The following RALYL variants were observed in gnomAD, a reference collection of about 807,000 sequenced individuals.
RALYL encodes the protein RALY RNA binding protein like.
In RALYL, 29 loss-of-function variants were observed where a neutral mutation model predicts 35.1. The ratio of observed to expected loss-of-function variants is 0.83; its 90% CI spans 0.61 to 1.13. The LOEUF (loss-of-function observed/expected upper bound fraction) is 1.13, where lower values mean the gene tolerates loss of function less well. Among genes scored for constraint, RALYL ranks in the 50% most tolerant of loss-of-function variants. RALYL has a pLI of 0.00. For missense variants in RALYL, 359 were observed against 360.4 expected, an observed-to-expected ratio of 1.00 and a Z score of 0.03; for synonymous variants, 120 against 127.6, an observed-to-expected ratio of 0.94 and a Z score of 0.40.
chr8:84,635,314 A>G (rs1367990744), intron 2 of RALYL, among the ~76,000 whole-genome samples: 1 of 151,446 alleles, frequency 6.6e-6, no homozygotes, highest in African/African-American at 2.4e-5. Flanking sequence ...CCAATTGTTT[A>G]GAACACCTGC....
intron 1 of RALYL, among the ~76,000 whole-genome samples, chr8:84,446,064 G>T (rs1209466354): frequency 6.6e-6 from 1 of 151,798 alleles, no homozygotes; most frequent in African/African-American, 2.4e-5. Flanking sequence ...TTTTATATGC[G>T]ATATTAGCTG....
At chr8:84,697,266 C>T (rs1357579978) in intron 2 of RALYL, among the ~76,000 whole-genome samples, 2 of 152,014 alleles carry the variant, frequency 1.3e-5, no homozygotes, top group Non-Finnish European at 2.9e-5. Context: ...TAAAGAATTA[C>T]TTATCATAGT....
chr8:84,384,009 A>G (rs546406567), intron 1 of RALYL, among the ~76,000 whole-genome samples: 237 of 151,842 alleles, frequency 1.6e-3, no homozygotes, highest in Non-Finnish European at 2.5e-3. Context: ...CACTTACCAT[A>G]TCAAATGCAT....
intron 1 of RALYL, among the ~76,000 whole-genome samples, chr8:84,417,117 A>C (rs1443959530): frequency 6.6e-6 from 1 of 151,980 alleles, no homozygotes; most frequent in Non-Finnish European, 1.5e-5. Context: ...TTAGAACAAA[A>C]AAAAAAAAAG....
intron 1 of RALYL, among the ~76,000 whole-genome samples, chr8:84,250,535 C>A (rs989278765): frequency 4.0e-5 from 6 of 151,622 alleles, no homozygotes; most frequent in African/African-American, 1.5e-4. Context: ...GACATAATGG[C>A]CATTTTTGAT....
chr8:84,489,518 C>T (rs1175704001), intron 1 of RALYL, among the ~76,000 whole-genome samples: 1 of 152,020 alleles, frequency 6.6e-6, no homozygotes, highest in East Asian at 1.9e-4. Flanking sequence ...GGGATTCAAA[C>T]CTAAGACACA....
At chr8:84,666,172 A>C (rs1831992964) in intron 2 of RALYL, among the ~76,000 whole-genome samples, 1 of 152,044 alleles carries the variant, frequency 6.6e-6, no homozygotes, top group East Asian at 1.9e-4. Context: ...GTCAGCTTTA[A>C]GTATATTTCT....
At chr8:84,911,043 G>C (rs1362827434) in intron 8 of RALYL, among the ~76,000 whole-genome samples, 1 of 151,984 alleles carries the variant, frequency 6.6e-6, no homozygotes, top group Non-Finnish European at 1.5e-5. Flanking sequence ...ACTATATCTG[G>C]AAGTATTGAT....
intron 2 of RALYL, among the ~76,000 whole-genome samples, chr8:84,668,157 G>A (rs1034834226): frequency 6.6e-6 from 1 of 152,066 alleles, no homozygotes; most frequent in African/African-American, 2.4e-5. Flanking sequence ...TGTCTGTCAA[G>A]GTATATGACA....
intron 1 of RALYL, among the ~76,000 whole-genome samples, chr8:84,438,561 T>A (rs534509877): frequency 3.0e-4 from 46 of 151,692 alleles, no homozygotes; most frequent in Admixed American, 2.6e-3. Flanking sequence ...GCTATTTTTT[T>A]AAAAATTTTT....
intron 1 of RALYL, among the ~76,000 whole-genome samples, chr8:84,501,726 A>C (rs1422330129): frequency 6.6e-6 from 1 of 151,424 alleles, no homozygotes; most frequent in African/African-American, 2.4e-5. Context: ...TTCTCTTAGG[A>C]AATATCTCTG....
intron 8 of RALYL, among the ~76,000 whole-genome samples, chr8:84,910,223 A>T (rs1847273181): frequency 6.6e-6 from 1 of 152,110 alleles, no homozygotes; most frequent in African/African-American, 2.4e-5. Flanking sequence ...CCATATGTAC[A>T]TTCTAAACAT....
intron 2 of RALYL, among the ~76,000 whole-genome samples, chr8:84,676,781 C>A (rs145377200): frequency 2.0e-5 from 3 of 151,486 alleles, no homozygotes; most frequent in Non-Finnish European, 4.4e-5. Context: ...TTATTGCTTG[C>A]GCTTGATTAC....
At chr8:84,374,316 C>G (rs1487162144) in intron 1 of RALYL, among the ~76,000 whole-genome samples, 1 of 151,938 alleles carries the variant, frequency 6.6e-6, no homozygotes, top group Non-Finnish European at 1.5e-5. Flanking sequence ...CAGCTTTTCC[C>G]CATTTGGTAT....
intron 1 of RALYL, among the ~76,000 whole-genome samples, chr8:84,506,413 G>T (rs551367461): frequency 1.3e-5 from 2 of 151,652 alleles, no homozygotes; most frequent in Non-Finnish European, 2.9e-5. Context: ...ATAGAAAAAT[G>T]AAGTTCTTCT....
intron 2 of RALYL, among the ~76,000 whole-genome samples, chr8:84,740,156 C>T (rs1383610435): frequency 6.6e-6 from 1 of 151,986 alleles, no homozygotes; most frequent in African/African-American, 2.4e-5. Flanking sequence ...AGGAAGGCAA[C>T]TAGCTTAGTT....
chr8:84,866,344 AC>A (rs1026541390), intron 6 of RALYL, among the ~76,000 whole-genome samples: 1 of 152,108 alleles, frequency 6.6e-6, no homozygotes, highest in African/African-American at 2.4e-5. Flanking sequence ...TCTAATTTCT[AC>A]CTGGAAATTG....
At chr8:84,517,491 C>T (rs997511492) in intron 1 of RALYL, among the ~76,000 whole-genome samples, 3 of 152,146 alleles carry the variant, frequency 2.0e-5, no homozygotes, top group African/African-American at 7.2e-5. Context: ...GACCAACATG[C>T]TTACTTCAAC....
chr8:84,416,904 C>T (rs992420288), intron 1 of RALYL, among the ~76,000 whole-genome samples: 6 of 152,110 alleles, frequency 3.9e-5, no homozygotes, highest in African/African-American at 1.2e-4. Context: ...AGCCTTCTTA[C>T]TTTTTGTTTT....
Sources: gnomAD v4.1 joint callset for allele counts (sites outside exome capture counted in the v4.1 genomes callset) on GRCh38, gnomAD v4.1.1 for gene constraint, MANE v1.5 for transcripts, NCBI Gene and HGNC (gene_info 2026-07-23, HGNC 2026-07-21) for gene names.